MYH9: variants seen among roughly 807,000 people sequenced by gnomAD.
MYH9 encodes the protein myosin-9.
MYH9 carries 29 observed loss-of-function variants against 241.9 expected under a neutral mutation model. That is an observed-to-expected ratio of 0.12 (90% CI 0.09 to 0.16). The LOEUF (loss-of-function observed/expected upper bound fraction) is 0.16, where lower values mean the gene tolerates loss of function less well. MYH9 is among the 10% of genes least tolerant of loss of function. The probability of loss-of-function intolerance (pLI) is 1.00; values close to 1 mark genes in which losing one functional copy is unlikely to be tolerated. For synonymous variants in MYH9, 1,047 were observed against 1,062.6 expected, an observed-to-expected ratio of 0.99 and a Z score of 0.29; for missense variants, 1,803 against 2,595.5, an observed-to-expected ratio of 0.69 and a Z score of 6.63.
At chr22:36,312,917 T>C (rs1439329803) in intron 13 of MYH9, among the ~76,000 whole-genome samples, 1 of 147,784 alleles carries the variant, frequency 6.8e-6, no homozygotes, top group East Asian at 2.1e-4. Context: ...GAGACCAGCC[T>C]GGCCAACGTG....
intron 1 of MYH9, among the ~76,000 whole-genome samples, chr22:36,387,057 A>C (rs895492409): frequency 7.9e-5 from 12 of 152,134 alleles, no homozygotes; most frequent in South Asian, 4.1e-4. Context: ...CCCTCCCCCG[A>C]GGATCAGAAG....
At chr22:36,286,111 C>G (rs556781593) in intron 35 of MYH9, 158 bp from the exon 36 acceptor site, 32 of 734,204 alleles carry the variant, frequency 4.4e-5, no homozygotes, top group South Asian at 2.6e-4. Context: ...CTGGTGCCCC[C>G]CTGAAGATAT....
chr22:36,316,595 G>A lies in MYH9; in HGVS notation c.1302C>T (p.Asn434=). 1 of 1,614,142 alleles carries A rather than the reference G, an allele frequency of 6.2e-7. No individual in the cohort carries two copies. The highest frequency in any genetic ancestry group is 8.5e-7 in the Non-Finnish European group (1 of 1,180,038). The change falls in exon 12 of 41, where the codon AAC becomes AAT. Residue 434 remains asparagine, a synonymous_variant. Coordinates refer to ENST00000216181, the MANE Select transcript of MYH9 (RefSeq NM_002473.6). The part of the protein sequence containing the change: ...RMFRWLVLRI[N]KALDKTKRQG... ...GCCTCTTGGTCTTGTCCAGAGCCTT[G>A]TTGATGCGCAGCACCAGCCAGCGGA... is the stretch of plus-strand genomic sequence containing the variant.
chr22:36,289,525 G>T (rs911951595), intron 31 of MYH9, among the ~76,000 whole-genome samples: 1 of 152,258 alleles, frequency 6.6e-6, no homozygotes, highest in East Asian at 1.9e-4. Context: ...ACACCATGTT[G>T]TAACGTCTGT....
intron 10 of MYH9, among the ~76,000 whole-genome samples, chr22:36,318,920 T>A (rs530057257): frequency 3.3e-5 from 5 of 152,094 alleles, no homozygotes; most frequent in Non-Finnish European, 7.4e-5. Flanking sequence ...CACGCCACCA[T>A]GCCCGGCTAA....
chr22:36,348,864 C>A (rs2017722362), intron 2 of MYH9, 40 bp downstream of exon 2: 1 of 1,302,534 alleles, frequency 7.7e-7, no homozygotes, highest in Non-Finnish European at 1.1e-6. Context: ...ACCTCGGAGC[C>A]CTCAGACCCA....
chr22:36,301,458 C>A (rs1045259589), intron 21 of MYH9, 76 bp downstream of exon 21: 2 of 1,591,594 alleles, frequency 1.3e-6, no homozygotes, highest in Admixed American at 1.7e-5. Context: ...TCCAGCATGC[C>A]GTGCCTACCG....
intron 1 of MYH9, among the ~76,000 whole-genome samples, chr22:36,374,672 C>T (rs182878363): frequency 6.6e-6 from 1 of 152,236 alleles, no homozygotes; most frequent in Non-Finnish European, 1.5e-5. Flanking sequence ...GCATCCACCC[C>T]CAAGGTGAGT....
intron 3 of MYH9, among the ~76,000 whole-genome samples, chr22:36,334,825 G>A (rs903429951): frequency 1.3e-5 from 2 of 152,196 alleles, no homozygotes; most frequent in African/African-American, 2.4e-5. Flanking sequence ...GTGTCATGAA[G>A]CCCAAGAGGA....
In MYH9 at chr22:36,285,631, C is replaced by A. The variant is rs1453368538; in HGVS notation, c.5274+27G>T. 1 of 1,611,346 alleles carries A rather than the reference C, an allele frequency of 6.2e-7. No individual in the cohort carries two copies. The highest frequency in any genetic ancestry group is 8.5e-7 in the Non-Finnish European group (1 of 1,180,016). On this transcript the variant is annotated intron_variant, in intron 37 of 40. Transcript: ENST00000216181. The surrounding 1 kb of genome is among the most constrained non-coding windows in gnomAD (Gnocchi z 7.0). ...TGCCGTGGTGGCTCCAGCCAGAGCC[C>A]AGAGTGGGAGAAGTCCTGGCACCCA...
At chr22:36,335,940 A>G (rs1399783787) in intron 3 of MYH9, among the ~76,000 whole-genome samples, 1 of 152,260 alleles carries the variant, frequency 6.6e-6, no homozygotes. Flanking sequence ...CATTGTTTAC[A>G]GAAAAAGGTC....
intron 1 of MYH9, among the ~76,000 whole-genome samples, chr22:36,386,298 G>A (rs1000960360): frequency 1.3e-5 from 2 of 151,982 alleles, no homozygotes; most frequent in African/African-American, 2.4e-5. Context: ...CTGGCACAGA[G>A]AGGGCAGTTA....
At position 36,371,141 on chromosome 22, in the gene MYH9, C is replaced by T. The variant is rs1183243923; in HGVS notation, c.-20+16666G>A. ...AACACACTCCCCTACTCCCTTCTTC[C>T]CTGTTACAGATTGAATTGTGTCCCT... On this transcript the variant is annotated intron_variant, in intron 1 of 40. Coordinates refer to ENST00000216181, the MANE Select transcript of MYH9 (RefSeq NM_002473.6). 3.3e-5 allele frequency among the ~76,000 whole-genome samples: 5 copies of T among 152,160 alleles called. No homozygotes were observed. The South Asian group carries it at 1.0e-3, about 32-fold the overall frequency.
At chr22:36,375,558 G>C (rs2018153276) in intron 1 of MYH9, among the ~76,000 whole-genome samples, 1 of 152,232 alleles carries the variant, frequency 6.6e-6, no homozygotes, top group Non-Finnish European at 1.5e-5. Context: ...ACCGCCAAGT[G>C]AGGAAACACA....
At chr22:36,356,859 ACTG>A in intron 1 of MYH9, among the ~76,000 whole-genome samples, 1 of 152,316 alleles carries the variant, frequency 6.6e-6, no homozygotes, top group South Asian at 2.1e-4. Context: ...TGTCCTGTTC[ACTG>A]CTGAATCCAA....
At chr22:36,349,625 G>A (rs528978116) in intron 1 of MYH9, among the ~76,000 whole-genome samples, 25 of 152,144 alleles carry the variant, frequency 1.6e-4, no homozygotes, top group African/African-American at 5.1e-4. Flanking sequence ...AGCTACTCGG[G>A]AGGCTGAGGC....
chr22:36,284,313 C>A (rs372554188), intron 39 of MYH9, 48 bp from the exon 40 acceptor site: 7 of 1,603,762 alleles, frequency 4.4e-6, no homozygotes, highest in Admixed American at 3.4e-5. Flanking sequence ...GGGCTCTGGG[C>A]GTGCAGCCAG....
chr22:36,387,090 G>A (rs2018364205), intron 1 of MYH9, among the ~76,000 whole-genome samples: 1 of 152,238 alleles, frequency 6.6e-6, no homozygotes, highest in African/African-American at 2.4e-5. Context: ...GGCTGGAGCA[G>A]GGACTGGGGG....
At chr22:36,353,271 A>C (rs555226564) in intron 1 of MYH9, among the ~76,000 whole-genome samples, 51 of 152,326 alleles carry the variant, frequency 3.3e-4, no homozygotes, top group African/African-American at 1.2e-3. Context: ...GGGGCACGAC[A>C]GCGGGATACC....
Sources: allele counts gnomAD v4.1 joint callset (sites outside exome capture counted in the v4.1 genomes callset), GRCh38; gene constraint gnomAD v4.1.1; non-coding constraint Gnocchi (gnomAD v3.1); transcripts MANE v1.5; gene names NCBI Gene and HGNC (gene_info 2026-07-23, HGNC 2026-07-21).